CCSER1: variants seen among roughly 807,000 people sequenced by gnomAD.
CCSER1 encodes the protein serine-rich coiled-coil domain-containing protein 1.
A neutral mutation model predicts 82.0 loss-of-function variants in CCSER1; 41 were observed. The observed-to-expected ratio is 0.50, with a 90% CI of 0.39 to 0.65. The LOEUF is 0.65. CCSER1 is among the 30% of genes least tolerant of loss of function. The pLI is 0.00. For missense variants in CCSER1, 1,119 were observed against 1,064.2 expected (o/e 1.05, Z -0.72); for synonymous variants, 414 against 383.9 (o/e 1.08, Z -0.92).
chr4:90,662,336 G>C (rs531658756), intron 6 of CCSER1, among the ~76,000 whole-genome samples: 121 of 151,892 alleles, frequency 8.0e-4, no homozygotes, highest in Middle Eastern at 3.4e-3. Context: ...TAGCTCAACT[G>C]GGTGTGAAAA....
At chr4:90,426,407 G>A (rs752194079) in intron 4 of CCSER1, among the ~76,000 whole-genome samples, 11 of 152,060 alleles carry the variant, frequency 7.2e-5, no homozygotes, top group African/African-American at 1.9e-4. Context: ...TCTGTGGGCC[G>A]CATTAGGTGG....
At chr4:90,832,724 CCA>C (rs1246379917) in intron 8 of CCSER1, among the ~76,000 whole-genome samples, 1 of 152,118 alleles carries the variant, frequency 6.6e-6, no homozygotes, top group Non-Finnish European at 1.5e-5. Flanking sequence ...GCTGACAAGG[CCA>C]GTCTTTGTCA....
intron 1 of CCSER1, among the ~76,000 whole-genome samples, chr4:90,155,389 C>A (rs1418863903): frequency 1.3e-5 from 2 of 152,062 alleles, no homozygotes; most frequent in Non-Finnish European, 2.9e-5. Context: ...TGATGCTGGC[C>A]TCATAAAATG....
intron 10 of CCSER1, among the ~76,000 whole-genome samples, chr4:91,427,344 T>C (rs1011860281): frequency 1.3e-5 from 2 of 152,168 alleles, no homozygotes; most frequent in African/African-American, 4.8e-5. Context: ...ATTCATGTAA[T>C]ATATAACATC....
chr4:90,927,022 C>T (rs1729153023), intron 9 of CCSER1, among the ~76,000 whole-genome samples: 1 of 151,904 alleles, frequency 6.6e-6, no homozygotes, highest in African/African-American at 2.4e-5. Flanking sequence ...TGAACTACTA[C>T]AAATAGCATT....
At chr4:91,412,984 G>C (rs1560651759) in intron 10 of CCSER1, among the ~76,000 whole-genome samples, 2 of 151,642 alleles carry the variant, frequency 1.3e-5, no homozygotes, top group South Asian at 4.1e-4. Flanking sequence ...ATGATATTAG[G>C]AAAAAAATGC....
intron 6 of CCSER1, among the ~76,000 whole-genome samples, chr4:90,670,935 C>A (rs1732680726): frequency 6.6e-6 from 1 of 152,024 alleles, no homozygotes; most frequent in South Asian, 2.1e-4. Context: ...AAGCAAATAT[C>A]TTAATAAAGT....
chr4:91,276,829 C>T (rs1742500780), intron 10 of CCSER1, among the ~76,000 whole-genome samples: 2 of 151,554 alleles, frequency 1.3e-5, no homozygotes, highest in Non-Finnish European at 2.9e-5. Context: ...TCCTTTTATG[C>T]CTATAAGGCA....
intron 3 of CCSER1, among the ~76,000 whole-genome samples, chr4:90,324,721 T>C (rs1348959952): frequency 6.6e-6 from 1 of 152,186 alleles, no homozygotes; most frequent in African/African-American, 2.4e-5. Flanking sequence ...TTGCTTTTGG[T>C]GTTTTAGACA....
At chr4:91,288,731 G>A (rs1743514164) in intron 10 of CCSER1, among the ~76,000 whole-genome samples, 1 of 151,924 alleles carries the variant, frequency 6.6e-6, no homozygotes, top group Admixed American at 6.6e-5. Flanking sequence ...TCACTCTTAG[G>A]ACCCTGGTGA....
At chr4:90,837,317 A>G in intron 8 of CCSER1, among the ~76,000 whole-genome samples, 1 of 151,998 alleles carries the variant, frequency 6.6e-6, no homozygotes, top group African/African-American at 2.4e-5. Flanking sequence ...AAAGACTGAA[A>G]TTTTTTTTGA....
At chr4:91,540,952 T>C (rs1761559921) in intron 10 of CCSER1, among the ~76,000 whole-genome samples, 3 of 152,166 alleles carry the variant, frequency 2.0e-5, no homozygotes, top group Admixed American at 6.6e-5. Context: ...TATAGCTTCC[T>C]AGTAAGTCTT....
intron 4 of CCSER1, among the ~76,000 whole-genome samples, chr4:90,401,992 CA>C (rs1752940879): frequency 6.6e-6 from 1 of 152,176 alleles, no homozygotes; most frequent in African/African-American, 2.4e-5. Flanking sequence ...TACAACAGCA[CA>C]ACCTCTGAAG....
At chr4:91,148,819 C>A (rs1012234571) in intron 10 of CCSER1, among the ~76,000 whole-genome samples, 1 of 152,084 alleles carries the variant, frequency 6.6e-6, no homozygotes, top group Admixed American at 6.6e-5. Flanking sequence ...TGAACTCATC[C>A]TTTTTTATGG....
intron 10 of CCSER1, among the ~76,000 whole-genome samples, chr4:91,362,620 T>G (rs4128705): frequency 0.28 from 42,866 of 151,680 alleles, 6,867 homozygotes; most frequent in Middle Eastern, 0.45. Flanking sequence ...GCTATCTGAG[T>G]TTATGTGATT....
At chr4:91,423,046 A>G (rs1029589434) in intron 10 of CCSER1, among the ~76,000 whole-genome samples, 6 of 152,172 alleles carry the variant, frequency 3.9e-5, no homozygotes, top group East Asian at 1.9e-4. Flanking sequence ...AAAACCTGAC[A>G]GTTTTATATG....
At chr4:91,395,116 A>C (rs1359371975) in intron 10 of CCSER1, among the ~76,000 whole-genome samples, 1 of 152,012 alleles carries the variant, frequency 6.6e-6, no homozygotes, top group Non-Finnish European at 1.5e-5. Flanking sequence ...TTTTGGTCAA[A>C]TTATTCAACC....
chr4:90,711,398 T>C (rs1560995154), intron 6 of CCSER1, among the ~76,000 whole-genome samples: 1 of 152,160 alleles, frequency 6.6e-6, no homozygotes, highest in Non-Finnish European at 1.5e-5. Flanking sequence ...AGGGTATCTT[T>C]GTCTTGTGCC....
At chr4:90,324,443 T>C (rs1456776661) in intron 3 of CCSER1, among the ~76,000 whole-genome samples, 6 of 147,758 alleles carry the variant, frequency 4.1e-5, no homozygotes, top group Non-Finnish European at 7.4e-5. Context: ...TTTTTTCATG[T>C]GTTTTTTGGC....
Sources: allele counts gnomAD v4.1 joint callset (sites outside exome capture counted in the v4.1 genomes callset), GRCh38; gene constraint gnomAD v4.1.1; transcripts MANE v1.5; gene names NCBI Gene and HGNC (gene_info 2026-07-23, HGNC 2026-07-21).